The following CAPN11 variants were observed in gnomAD, a reference collection of about 807,000 sequenced individuals.
CAPN11 encodes calpain-11.
Under a neutral mutation model 105.3 loss-of-function variants are expected in CAPN11, and 108 were observed. The observed-to-expected ratio is 1.03, with a 90% CI of 0.88 to 1.20. CAPN11 has a LOEUF of 1.20. Ranked by LOEUF, CAPN11 falls within the 50% of genes most tolerant of loss-of-function variation. CAPN11 has a pLI of 0.00. For synonymous variants in CAPN11, 329 were observed against 344.5 expected, an observed-to-expected ratio of 0.96 and a Z score of 0.50; for missense variants, 883 against 924.8, an observed-to-expected ratio of 0.95 and a Z score of 0.59.
Position 44,179,079 on chromosome 6 carries a change from G to A in CAPN11, c.1417-540G>A, listed in dbSNP as rs539968942. On this transcript the variant is annotated intron_variant, in intron 12 of 22. Coordinates refer to ENST00000398776, the MANE Select transcript of CAPN11 (RefSeq NM_007058.4). ...CATTTTTACAAACTTATTTGTCCTCGATCCTCAATTTTAGTAATCTTCTAT... is the reference window on the plus strand; with the variant it reads ...CATTTTTACAAACTTATTTGTCCTCAATCCTCAATTTTAGTAATCTTCTAT... Among the ~76,000 whole-genome samples the A allele has an allele frequency of 3.9e-5, 6 of 152,188 alleles. No individual in the cohort carries two copies. The East Asian group carries it at 1.2e-3, about 29-fold the overall frequency.
chr6:44,163,478 G>A (rs1769277717), intron 1 of CAPN11, among the ~76,000 whole-genome samples: 2 of 152,180 alleles, frequency 1.3e-5, no homozygotes, highest in South Asian at 4.1e-4. Context: ...GCAAGGCAGC[G>A]AGCCTGATGG....
chr6:44,176,771 G>A, intron 10 of CAPN11, 67 bp from the exon 11 acceptor site: 3 of 1,591,882 alleles, frequency 1.9e-6, no homozygotes, highest in Non-Finnish European at 2.6e-6. Flanking sequence ...TGTGGGGGGT[G>A]GTTCAGGGAG....
At chr6:44,172,750 C>T (rs1771224011) in intron 5 of CAPN11, among the ~76,000 whole-genome samples, 190 bp from the exon 6 acceptor site, 1 of 152,130 alleles carries the variant, frequency 6.6e-6, no homozygotes, top group Non-Finnish European at 1.5e-5. Context: ...TGGACAAATT[C>T]CCCTCTGGAG....
At chr6:44,181,552 CT>C (rs1773381512) in intron 19 of CAPN11, among the ~76,000 whole-genome samples, 1 of 70,602 alleles carries the variant, frequency 1.4e-5, no homozygotes, top group Non-Finnish European at 3.1e-5. Flanking sequence ...CACACACACA[CT>C]CACATACAGA....
chr6:44,180,204 A>G (rs531608112), intron 14 of CAPN11, 41 bp downstream of exon 14: 2 of 1,418,702 alleles, frequency 1.4e-6, no homozygotes, highest in South Asian at 2.4e-5. Flanking sequence ...CCGCCACCCA[A>G]GAGCTGCAGG....
rs754140835 is a variant in CAPN11 at position 44,169,262 on chromosome 6, CTT to C, written c.89-11_89-10del. The C allele has an allele frequency of 6.4e-7, 1 of 1,562,542 alleles. No individual in the cohort carries two copies. Among genetic ancestry groups the C allele is most frequent in the Non-Finnish European group, 8.7e-7 (1 of 1,149,320 alleles). On this transcript the variant is annotated splice_polypyrimidine_tract_variant and intron_variant, in intron 2 of 22. Coordinates refer to ENST00000398776, the MANE Select transcript of CAPN11 (RefSeq NM_007058.4). ...TACATTTTTTACTTGCGTTATTTCT[CTT>C]TTTTTTTCTTAAGCAGAGCCCACTT...
intron 1 of CAPN11, among the ~76,000 whole-genome samples, chr6:44,164,130 C>A (rs918834742): frequency 3.9e-5 from 6 of 152,108 alleles, no homozygotes; most frequent in African/African-American, 1.2e-4. Context: ...CATAACTGTG[C>A]CACTGCACTG....
In CAPN11 at chr6:44,169,358, G is replaced by A. The variant is rs377241263; in HGVS notation, c.166G>A (p.Asp56Asn). The A allele has an allele frequency of 4.9e-5, 79 of 1,613,840 alleles. No homozygotes were observed. The highest frequency in any genetic ancestry group is 6.0e-5 in the Non-Finnish European group (71 of 1,179,878). The part of the protein sequence containing the change: ...RLKAKGVGQH[D>N]NAQNFGNQSF... ...CAAGGCCAAGGGCGTGGGCCAGCAC[G>A]ACAACGCCCAGAACTTTGGTAACCA... Residue 56 changes from aspartate (D) to asparagine (N), a missense_variant, in exon 3 of 23, where the codon GAC becomes AAC. Transcript: ENST00000398776.
In CAPN11 at chr6:44,169,345, C is replaced by CGT; in HGVS notation, c.155_156dup (p.Gly53TrpfsTer23). On this transcript the variant is annotated frameshift_variant, in exon 3 of 23. Coordinates refer to ENST00000398776, the MANE Select transcript of CAPN11 (RefSeq NM_007058.4). LOFTEE classifies it high-confidence loss of function. The stretch of plus-strand genomic sequence containing the variant: ...ACAACAGCCGGCTCAAGGCCAAGGG[C>CGT]GTGGGCCAGCACGACAACGCCCAGA... 1 of 1,613,990 alleles carries CGT rather than the reference C, an allele frequency of 6.2e-7. No homozygotes were observed. The highest frequency in any genetic ancestry group is 8.5e-7 in the Non-Finnish European group (1 of 1,179,890).
At position 44,176,875 on chromosome 6, in the gene CAPN11, C is replaced by T; in HGVS notation, c.1114C>T (p.Leu372=). 6.2e-7 allele frequency: 1 copy of T among 1,613,980 alleles called. No homozygotes were observed. The highest frequency in any genetic ancestry group is 8.5e-7 in the Non-Finnish European group (1 of 1,179,886). The change falls in exon 11 of 23, where the codon CTG becomes TTG. Residue 372 remains leucine, a synonymous_variant. Coordinates refer to ENST00000398776, the MANE Select transcript of CAPN11 (RefSeq NM_007058.4). ...YQDFLNNFTL[L]EICNLTPDTL... ...AGATTTCCTGAACAACTTCACGCTC[C>T]TGGAGATCTGCAACCTCACGCCTGA...
chr6:44,181,490 CCACA>C lies in CAPN11; in HGVS notation c.1938+186_1938+189del, dbSNP rs373056696. Among the ~76,000 whole-genome samples, 246 of 47,784 alleles carry C rather than the reference CCACA, an allele frequency of 5.1e-3. 2 individuals carry two copies. Among genetic ancestry groups the C allele is most frequent in the African/African-American group, 0.02 (200 of 10,108 alleles). The allele number at this position is 47,784 out of a possible 152,430, so 31.3% of individuals were successfully genotyped here. ...ACACTCACATACAGACACAACCACA[CCACA>C]CACACACACACACACTCACATACAG... On this transcript the variant is annotated intron_variant, in intron 19 of 22. Transcript: ENST00000398776.
chr6:44,171,470 AG>A (rs947150685), intron 4 of CAPN11, among the ~76,000 whole-genome samples: 3 of 152,200 alleles, frequency 2.0e-5, no homozygotes, highest in Non-Finnish European at 2.9e-5. Flanking sequence ...GTGTACTCAC[AG>A]GGTGCAGGAA....
intron 1 of CAPN11, among the ~76,000 whole-genome samples, chr6:44,163,392 G>C (rs1050287895): frequency 6.6e-6 from 1 of 152,178 alleles, no homozygotes; most frequent in African/African-American, 2.4e-5. Flanking sequence ...AATGGACGAA[G>C]GGGCCGCACC....
chr6:44,183,728 A>G lies in CAPN11; in HGVS notation c.2158A>G (p.Lys720Glu). 1 of 1,613,860 alleles carries G rather than the reference A, an allele frequency of 6.2e-7. No homozygotes were observed. Among genetic ancestry groups the G allele is most frequent in the Non-Finnish European group, 8.5e-7 (1 of 1,179,846 alleles). ...MFTFFLTMDP[K>E]NTGHICLSLE... ...AGCATTCTTTCTAACCATGGACCCC[A>G]AGAATACTGGCCATATTTGCTTGAG... is the stretch of plus-strand genomic sequence containing the variant. The change falls in exon 22 of 23, where the codon AAG (lysine) becomes GAG (glutamate). Residue 720 changes from lysine to glutamate, a missense_variant. Lys to Glu is a moderately conservative substitution (Grantham distance 56). Coordinates refer to ENST00000398776, the MANE Select transcript of CAPN11 (RefSeq NM_007058.4).
intron 1 of CAPN11, among the ~76,000 whole-genome samples, chr6:44,165,466 C>G (rs1041304763): frequency 4.6e-5 from 7 of 152,240 alleles, no homozygotes; most frequent in South Asian, 2.1e-4. Flanking sequence ...GCTTACTGCA[C>G]TGGATGTGGC....
chr6:44,180,178 C>T lies in CAPN11; in HGVS notation c.1640+15C>T. ...AGCGAGTCATGGTAAGGGGCTGCAGCTCACTGCTCCAAGGCCCGCCACCCA... is the reference window on the plus strand; with the variant it reads ...AGCGAGTCATGGTAAGGGGCTGCAGTTCACTGCTCCAAGGCCCGCCACCCA... On this transcript the variant is annotated intron_variant, in intron 14 of 22. Transcript: ENST00000398776. 6.3e-7 allele frequency: 1 copy of T among 1,584,140 alleles called. No individual in the cohort carries two copies. The highest frequency in any genetic ancestry group is 8.6e-7 in the Non-Finnish European group (1 of 1,157,644).
intron 19 of CAPN11, among the ~76,000 whole-genome samples, chr6:44,182,525 G>C (rs1773948013): frequency 6.6e-6 from 1 of 152,364 alleles, no homozygotes; most frequent in Middle Eastern, 3.4e-3. Context: ...GGAATATCAG[G>C]AGTGGGCCAG....
At position 44,177,475 on chromosome 6, in the gene CAPN11, CCTTT is replaced by C. The variant is rs374294570; in HGVS notation, c.1416+72_1416+75del. 1.4e-4 allele frequency: 174 copies of C among 1,252,598 alleles called. No homozygotes were observed. In the African/African-American group the frequency reaches 1.8e-3, roughly 13 times the overall value. The allele number at this position is 1,252,598 out of a possible 1,614,324, so 77.6% of individuals were successfully genotyped here. A position where few individuals can be genotyped will look rare whatever the true frequency, so the allele number is the denominator to read the frequency against. ...TCACTCTCCCTCACCTGACCTCACTCCTTTCTTTCTTTCTTTCTTTTTTTTTTTT... is the reference window on the plus strand; with the variant it reads ...TCACTCTCCCTCACCTGACCTCACTCCTTTCTTTCTTTCTTTTTTTTTTTT... On this transcript the variant is annotated intron_variant, in intron 12 of 22. Coordinates refer to ENST00000398776, the MANE Select transcript of CAPN11 (RefSeq NM_007058.4).
chr6:44,176,092 T>C lies in CAPN11; in HGVS notation c.856T>C (p.Ser286Pro). The C allele has an allele frequency of 6.2e-7, 1 of 1,612,674 alleles. No homozygotes were observed. Among genetic ancestry groups the C allele is most frequent in the East Asian group, 2.2e-5 (1 of 44,864 alleles). ...GGTCACCAGTGATAGTGAACTGGAA[T>C]CCATGACTGACAAGATGCTGGTGAG... ...IEVTSDSELE[S>P]MTDKMLVRGH... The change falls in exon 8 of 23, where the codon TCC (serine) becomes CCC (proline). Residue 286 changes from serine (S) to proline (P), a missense_variant. Coordinates refer to ENST00000398776, the MANE Select transcript of CAPN11 (RefSeq NM_007058.4).
Sources: allele counts gnomAD v4.1 joint callset (sites outside exome capture counted in the v4.1 genomes callset), GRCh38; gene constraint gnomAD v4.1.1; transcripts MANE v1.5; gene names NCBI Gene and HGNC (gene_info 2026-07-23, HGNC 2026-07-21).